FGF13: variants seen among roughly 807,000 people sequenced by gnomAD.
FGF13 encodes fibroblast growth factor homologous factor 2.
A neutral mutation model predicts 19.5 loss-of-function variants in FGF13; 2 were observed. The ratio of observed to expected loss-of-function variants is 0.10; its 90% CI spans 0.04 to 0.32. The LOEUF (loss-of-function observed/expected upper bound fraction) is 0.32, where lower values mean the gene tolerates loss of function less well. Among genes scored for constraint, FGF13 ranks in the 10% least tolerant of loss-of-function variants. The probability of loss-of-function intolerance (pLI) is 1.00; values close to 1 mark genes in which losing one functional copy is unlikely to be tolerated. For missense variants in FGF13, 113 were observed against 192.7 expected (o/e 0.59, Z 2.45); for synonymous variants, 72 against 76.9 (o/e 0.94, Z 0.33).
At chrX:139,132,322 A>G (rs1464608188) in intron 1 of FGF13, among the ~76,000 whole-genome samples, 4 of 111,792 alleles carry the variant, frequency 3.6e-5, no homozygotes, top group Non-Finnish European at 1.9e-5. Flanking sequence ...GCAACATACA[A>G]CACTATTTTG....
chrX:138,953,791 C>G (rs1325787956), intron 1 of FGF13, among the ~76,000 whole-genome samples: 2 of 110,010 alleles, frequency 1.8e-5, no homozygotes, highest in African/African-American at 3.3e-5. Flanking sequence ...CTTAAATCAC[C>G]ATCTGAATGA....
At chrX:138,827,623 T>C (rs995014775) in intron 3 of FGF13, among the ~76,000 whole-genome samples, 1 of 111,470 alleles carries the variant, frequency 9.0e-6, no homozygotes, top group African/African-American at 3.3e-5. Context: ...TCAGGAATCA[T>C]TCTAGAAGCA....
At chrX:139,162,744 C>T (rs1471310248) in intron 1 of FGF13, among the ~76,000 whole-genome samples, 1 of 112,238 alleles carries the variant, frequency 8.9e-6, no homozygotes, top group Non-Finnish European at 1.9e-5. Flanking sequence ...TATGAACAGA[C>T]ACTTCTCAAA....
chrX:139,026,335 CTT>C (rs1279000847), intron 1 of FGF13, among the ~76,000 whole-genome samples: 2 of 111,438 alleles, frequency 1.8e-5, no homozygotes, highest in Non-Finnish European at 3.8e-5. Flanking sequence ...AAAATATCAA[CTT>C]ATTTCTAAAA....
intron 1 of FGF13, among the ~76,000 whole-genome samples, chrX:139,177,742 C>G (rs1485661506): frequency 9.0e-6 from 1 of 111,402 alleles, no homozygotes; most frequent in Non-Finnish European, 1.9e-5. Flanking sequence ...GAACATTTCT[C>G]TCTCTCTTGC....
rs766058913 is a variant in FGF13, at chrX:138,696,358, G to A, written c.402+6626C>T. Among the ~76,000 whole-genome samples the A allele has an allele frequency of 1.2e-4, 13 of 111,868 alleles. 1 individual carries two copies. In the South Asian group the frequency reaches 4.1e-3, roughly 35 times the overall value. On this transcript the variant is annotated intron_variant, in intron 3 of 4. Transcript: ENST00000315930. ...ACGGGATAAGGTGTGTCTACTAATT[G>A]GTATAATTTCTTCATTTAGCGTGAT...
intron 3 of FGF13, among the ~76,000 whole-genome samples, chrX:138,829,917 C>A (rs903878493): frequency 9.0e-6 from 1 of 111,496 alleles, no homozygotes; most frequent in Non-Finnish European, 1.9e-5. Flanking sequence ...CAGGGTTTCA[C>A]CATGTTGGCC....
chrX:139,046,498 C>A (rs1194187910), intron 1 of FGF13, among the ~76,000 whole-genome samples: 1 of 111,576 alleles, frequency 9.0e-6, no homozygotes, highest in African/African-American at 3.3e-5. Flanking sequence ...TAAGAGGCAG[C>A]ACCCTGGGTA....
chrX:139,164,170 A>G (rs2084059888), intron 1 of FGF13, among the ~76,000 whole-genome samples: 1 of 107,282 alleles, frequency 9.3e-6, no homozygotes, highest in African/African-American at 3.4e-5. Flanking sequence ...TCAGTTACAT[A>G]TGTATACATG....
chrX:139,201,895 T>TTCCC (rs61334649), intron 1 of FGF13, among the ~76,000 whole-genome samples: 3,236 of 111,670 alleles, frequency 0.029, 147 homozygotes, highest in East Asian at 0.27. Flanking sequence ...AGCCAAAAGC[T>TTCCC]TCCCATCTTC....
At chrX:139,082,389 A>C (rs891394676) in intron 1 of FGF13, among the ~76,000 whole-genome samples, 12 of 111,739 alleles carry the variant, frequency 1.1e-4, no homozygotes, top group Admixed American at 8.6e-4. Context: ...CCCAAACTTC[A>C]TGTCCACGTA....
At chrX:138,914,817 T>C (rs1389063706) in intron 1 of FGF13, among the ~76,000 whole-genome samples, 1 of 111,544 alleles carries the variant, frequency 9.0e-6, no homozygotes, top group Non-Finnish European at 1.9e-5. Context: ...TAGTTTTAGT[T>C]TATCTTAGAA....
intron 1 of FGF13, among the ~76,000 whole-genome samples, chrX:139,174,016 C>G (rs953268267): frequency 8.9e-6 from 1 of 112,100 alleles, no homozygotes; most frequent in Non-Finnish European, 1.9e-5. Flanking sequence ...ACAGTCCCAC[C>G]AACAGTGTAA....
chrX:139,077,940 G>A (rs180894751), intron 1 of FGF13, among the ~76,000 whole-genome samples: 1 of 111,406 alleles, frequency 9.0e-6, no homozygotes, highest in African/African-American at 3.3e-5. Flanking sequence ...AGCAAGTGAT[G>A]GAATCAGGAG....
intron 1 of FGF13, among the ~76,000 whole-genome samples, chrX:139,101,295 G>A (rs182508961): frequency 2.9e-4 from 33 of 112,152 alleles, no homozygotes; most frequent in East Asian, 1.1e-3. Context: ...TTATGGTTTC[G>A]TTAGAAATCA....
At chrX:138,655,060 C>A (rs1159225983) in intron 3 of FGF13, among the ~76,000 whole-genome samples, 4 of 111,563 alleles carry the variant, frequency 3.6e-5, no homozygotes, top group Non-Finnish European at 7.5e-5. Flanking sequence ...TTGATAGTGA[C>A]CACCTAAAAA....
At chrX:139,117,603 A>G (rs1371407156) in intron 1 of FGF13, among the ~76,000 whole-genome samples, 1 of 111,468 alleles carries the variant, frequency 9.0e-6, no homozygotes, top group African/African-American at 3.3e-5. Flanking sequence ...TGTTCCTTCC[A>G]TTTTCCAAGA....
At chrX:138,653,193 C>G (rs998761917) in intron 3 of FGF13, among the ~76,000 whole-genome samples, 1 of 111,241 alleles carries the variant, frequency 9.0e-6, no homozygotes, top group Non-Finnish European at 1.9e-5. Context: ...ATGGTTCATT[C>G]TTTTTGCCAT....
intron 1 of FGF13, among the ~76,000 whole-genome samples, chrX:139,088,778 A>T (rs193034754): frequency 9.0e-6 from 1 of 111,721 alleles, no homozygotes; most frequent in Non-Finnish European, 1.9e-5. Flanking sequence ...GAATGTCTGC[A>T]TCCCCACAAA....
Sources: allele counts gnomAD v4.1 joint callset (sites outside exome capture counted in the v4.1 genomes callset), GRCh38; gene constraint gnomAD v4.1.1; transcripts MANE v1.5; gene names NCBI Gene and HGNC (gene_info 2026-07-23, HGNC 2026-07-21).